The following JAK1 variants were observed in gnomAD, a reference collection of about 807,000 sequenced individuals.
JAK1 encodes the protein Janus kinase 1.
JAK1 carries 16 observed loss-of-function variants against 136.6 expected under a neutral mutation model. The ratio of observed to expected loss-of-function variants is 0.12; its 90% CI spans 0.08 to 0.18. JAK1 has a LOEUF of 0.18. Ranked by LOEUF, JAK1 falls within the 10% of genes least tolerant of loss-of-function variation. The pLI is 1.00. For missense variants in JAK1, 859 were observed against 1,450.1 expected (o/e 0.59, Z 6.62); for synonymous variants, 492 against 519.5 (o/e 0.95, Z 0.72).
At chr1:64,960,692 C>T (rs1646267901) in intron 1 of JAK1, among the ~76,000 whole-genome samples, 1 of 152,150 alleles carries the variant, frequency 6.6e-6, no homozygotes, top group Non-Finnish European at 1.5e-5. Context: ...TGAAGAAAAC[C>T]TCTTCTTTGA....
intron 2 of JAK1, among the ~76,000 whole-genome samples, chr1:65,037,982 G>T (rs748777565): frequency 3.3e-5 from 5 of 152,056 alleles, no homozygotes; most frequent in Non-Finnish European, 7.4e-5. Context: ...CCTATGATTG[G>T]CTTGTTACAA....
intron 1 of JAK1, among the ~76,000 whole-genome samples, chr1:64,916,711 A>G (rs561118288): frequency 6.6e-6 from 1 of 151,902 alleles, no homozygotes; most frequent in East Asian, 1.9e-4. Flanking sequence ...GGTGGCATGC[A>G]TCTGTAGTCC....
At chr1:64,950,946 G>A (rs1569694097) in intron 1 of JAK1, among the ~76,000 whole-genome samples, 2 of 152,176 alleles carry the variant, frequency 1.3e-5, no homozygotes, top group African/African-American at 2.4e-5. Flanking sequence ...AAATCAGAAG[G>A]AGGTATTCTC....
chr1:64,958,174 T>G (rs1646224128), intron 1 of JAK1, among the ~76,000 whole-genome samples: 1 of 152,192 alleles, frequency 6.6e-6, no homozygotes, highest in African/African-American at 2.4e-5. Context: ...CCTAAGAGCA[T>G]TTGTATTTCA....
chr1:64,939,448 A>G (rs1645849196), intron 1 of JAK1, among the ~76,000 whole-genome samples: 1 of 152,244 alleles, frequency 6.6e-6, no homozygotes, highest in Non-Finnish European at 1.5e-5. Flanking sequence ...TGGAGTCACT[A>G]GTTTGCAGTA....
intron 8 of JAK1, among the ~76,000 whole-genome samples, chr1:64,862,876 G>A (rs1044117848): frequency 6.6e-6 from 1 of 152,212 alleles, no homozygotes; most frequent in African/African-American, 2.4e-5. Flanking sequence ...AAGATCCCAT[G>A]CCTCTTGATT....
At chr1:65,067,123 C>T (rs1047026146) in intron 1 of JAK1, among the ~76,000 whole-genome samples, 2 of 151,864 alleles carry the variant, frequency 1.3e-5, no homozygotes, top group Admixed American at 1.3e-4. Flanking sequence ...CGCAGTCGGT[C>T]CCGGAGTGCG....
intron 1 of JAK1, among the ~76,000 whole-genome samples, chr1:64,950,477 A>T (rs1013653388): frequency 6.6e-6 from 1 of 152,186 alleles, no homozygotes; most frequent in African/African-American, 2.4e-5. Flanking sequence ...ATTACAATTT[A>T]AAAAACTAGA....
rs1018281042 is a variant in JAK1, at chr1:64,951,447, C to G, written c.-78+14886G>C. Among the ~76,000 whole-genome samples the G allele has an allele frequency of 3.3e-5, 5 of 152,208 alleles. No homozygotes were observed. The South Asian group carries it at 1.0e-3, about 32-fold the overall frequency. On this transcript the variant is annotated intron_variant, in intron 1 of 24. Transcript: ENST00000342505. ...CTAAATAAGTCTCTTCACAGGGTTC[C>G]TACTACGTGCCAAACACAATGGCAG...
intron 1 of JAK1, among the ~76,000 whole-genome samples, chr1:64,906,954 T>TA (rs1188854798): frequency 3.4e-5 from 5 of 147,942 alleles, no homozygotes; most frequent in African/African-American, 1.3e-4. Context: ...TAAATGCACA[T>TA]ACTCAAAACT....
chr1:64,845,529 C>T lies in JAK1; in HGVS notation c.2099G>A (p.Ser700Asn), dbSNP rs1655173777. The T allele has an allele frequency of 6.2e-7, 1 of 1,614,080 alleles. No homozygotes were observed. Among genetic ancestry groups the T allele is most frequent in the Admixed American group, 1.7e-5 (1 of 60,008 alleles). ...WKFKVAKQLA[S>N]ALSYLEDKDL... is the part of the protein sequence containing the mutation. ...CATTCTCACCAAGTAGCTCAGGGCA[C>T]TGGCCAGCTGTTTGGCAACTTTGAA... Residue 700 changes from serine to asparagine, a missense_variant, in exon 15 of 25, where the codon AGT becomes AAT. This residue lies in a region of JAK1 where 409 missense variants were observed against 753.8 expected (regional missense o/e 0.54). Coordinates refer to ENST00000342505, the MANE Select transcript of JAK1 (RefSeq NM_002227.4).
chr1:64,988,978 GTATA>G (rs200605352), intron 2 of JAK1, among the ~76,000 whole-genome samples: 4 of 108,934 alleles, frequency 3.7e-5, no homozygotes, highest in South Asian at 3.6e-4. Flanking sequence ...ATATATATAT[GTATA>G]TGTGTGTGTG....
intron 1 of JAK1, among the ~76,000 whole-genome samples, chr1:64,964,872 T>C (rs1646344538): frequency 6.6e-6 from 1 of 152,182 alleles, no homozygotes; most frequent in South Asian, 2.1e-4. Context: ...GTACCAGAAA[T>C]GTCTGGAACC....
chr1:64,854,292 C>T (rs942908885), intron 11 of JAK1, among the ~76,000 whole-genome samples: 1 of 152,154 alleles, frequency 6.6e-6, no homozygotes, highest in African/African-American at 2.4e-5. Context: ...AGATGTGTCC[C>T]AGATAAAGAC....
At chr1:64,912,292 C>A (rs919861996) in intron 1 of JAK1, among the ~76,000 whole-genome samples, 4 of 152,166 alleles carry the variant, frequency 2.6e-5, no homozygotes, top group Admixed American at 1.3e-4. Context: ...ACACAGCTAG[C>A]CCCTGACTCA....
intron 1 of JAK1, among the ~76,000 whole-genome samples, chr1:64,906,032 T>C (rs1034810817): frequency 6.6e-6 from 1 of 152,160 alleles, no homozygotes; most frequent in Non-Finnish European, 1.5e-5. Flanking sequence ...AGAACTCCGA[T>C]CTCAAATATC....
intron 1 of JAK1, among the ~76,000 whole-genome samples, chr1:65,052,436 G>C (rs1230017411): frequency 6.6e-6 from 1 of 152,058 alleles, no homozygotes; most frequent in Non-Finnish European, 1.5e-5. Context: ...CCAGCACTTT[G>C]GGAGGCCGAG....
Position 64,873,598 on chromosome 1 carries a change from C to A in JAK1, c.330-75G>T. ...TGGGCAGGGCGTCCTGGCTCACCAA[C>A]AGTGGTCAGTGCCGGAGGCTGAAGT... On this transcript the variant is annotated intron_variant, in intron 4 of 24. Coordinates refer to ENST00000342505, the MANE Select transcript of JAK1 (RefSeq NM_002227.4). The A allele has an allele frequency of 4.5e-6, 7 of 1,563,738 alleles. No individual in the cohort carries two copies. The South Asian group carries it at 6.7e-5, about 15-fold the overall frequency.
intron 4 of JAK1, 140 bp downstream of exon 4, chr1:64,878,885 C>A: frequency 1.4e-6 from 1 of 717,014 alleles, no homozygotes; most frequent in Non-Finnish European, 2.2e-6. Context: ...GAAGTCCTTT[C>A]TCACATCAAG....
Sources: gnomAD v4.1 joint callset for allele counts (sites outside exome capture counted in the v4.1 genomes callset) on GRCh38, gnomAD v4.1.1 for gene constraint, gnomAD v4.1.1 regional missense constraint, MANE v1.5 for transcripts, NCBI Gene and HGNC (gene_info 2026-07-23, HGNC 2026-07-21) for gene names.